Variants in NUMB observed in about 807,000 individuals in gnomAD.
NUMB encodes the protein NUMB endocytic adaptor protein.
In NUMB, 29 loss-of-function variants were observed where a neutral mutation model predicts 59.7. The ratio of observed to expected loss-of-function variants is 0.49; its 90% CI spans 0.36 to 0.66. NUMB has a LOEUF of 0.66. Among genes scored for constraint, NUMB ranks in the 30% least tolerant of loss-of-function variants. The probability of loss-of-function intolerance (pLI) is 0.00; values close to 1 mark genes in which losing one functional copy is unlikely to be tolerated. For missense variants in NUMB, 723 were observed against 822.0 expected (o/e 0.88, Z 1.47); for synonymous variants, 288 against 288.2 (o/e 1.00, Z 0.01).
chr14:73,405,355 G>C (rs1175615792), intron 2 of NUMB, among the ~76,000 whole-genome samples: 1 of 151,956 alleles, frequency 6.6e-6, no homozygotes, highest in Non-Finnish European at 1.5e-5. Flanking sequence ...GAACCCTCTA[G>C]CTCTGGCTCA....
chr14:73,433,014 G>C (rs149850455), intron 1 of NUMB, among the ~76,000 whole-genome samples: 1 of 152,068 alleles, frequency 6.6e-6, no homozygotes, highest in East Asian at 1.9e-4. Flanking sequence ...AGACCAGCCC[G>C]GCCAACATGG....
intron 1 of NUMB, among the ~76,000 whole-genome samples, chr14:73,421,180 TTG>T (rs1897331183): frequency 6.7e-6 from 1 of 149,688 alleles, no homozygotes; most frequent in Non-Finnish European, 1.5e-5. Context: ...TTTGGTGTTT[TTG>T]TTTGTTTGTT....
In NUMB at chr14:73,383,152, A is replaced by G. The variant is rs199723099; in HGVS notation, c.-100-16171T>C. Among the ~76,000 whole-genome samples, 5 of 152,222 alleles carry G rather than the reference A, an allele frequency of 3.3e-5. No homozygotes were observed. In the East Asian group the frequency reaches 9.6e-4, roughly 29 times the overall value. ...CAGATCAAAACTCTGTCTTCAAAAA[A>G]TAAAAAAAGAGAAAGATCAAATGGG... On this transcript the variant is annotated intron_variant, in intron 2 of 12. Transcript: ENST00000555238.
At chr14:73,437,477 G>C (rs1898107961) in intron 1 of NUMB, among the ~76,000 whole-genome samples, 1 of 152,148 alleles carries the variant, frequency 6.6e-6, no homozygotes, top group East Asian at 1.9e-4. Context: ...CTGGATCTGA[G>C]GTAAACTGAA....
intron 2 of NUMB, among the ~76,000 whole-genome samples, chr14:73,380,999 A>T (rs1423319382): frequency 6.6e-6 from 1 of 152,230 alleles, no homozygotes; most frequent in Non-Finnish European, 1.5e-5. Context: ...CTGGGATTAC[A>T]GGCATGAGCC....
intron 2 of NUMB, among the ~76,000 whole-genome samples, chr14:73,383,730 G>C (rs1423697039): frequency 6.6e-6 from 1 of 152,066 alleles, no homozygotes; most frequent in Non-Finnish European, 1.5e-5. Context: ...TAAAAACAAT[G>C]GGGGGCTGGG....
At chr14:73,388,076 T>C (rs889881184) in intron 2 of NUMB, among the ~76,000 whole-genome samples, 21 of 151,978 alleles carry the variant, frequency 1.4e-4, no homozygotes, top group African/African-American at 5.1e-4. Flanking sequence ...CACTTCCAGC[T>C]TGGGCGACCA....
At chr14:73,338,102 T>C (rs1441041515) in intron 4 of NUMB, among the ~76,000 whole-genome samples, 3 of 151,984 alleles carry the variant, frequency 2.0e-5, no homozygotes, top group East Asian at 1.9e-4. Flanking sequence ...TTGGACAACA[T>C]AGTGAGACCC....
chr14:73,372,226 C>G (rs1426878648), intron 2 of NUMB, among the ~76,000 whole-genome samples: 1 of 147,480 alleles, frequency 6.8e-6, no homozygotes, highest in Non-Finnish European at 1.5e-5. Context: ...GAGCAATACT[C>G]CATCTCAAAA....
At chr14:73,410,359 T>C (rs1896845667) in intron 1 of NUMB, among the ~76,000 whole-genome samples, 1 of 152,202 alleles carries the variant, frequency 6.6e-6, no homozygotes, top group African/African-American at 2.4e-5. Flanking sequence ...AGTCTGATAC[T>C]GTGATGAAGA....
intron 4 of NUMB, among the ~76,000 whole-genome samples, chr14:73,352,635 C>T (rs1893464906): frequency 7.0e-6 from 1 of 143,122 alleles, no homozygotes. Flanking sequence ...CCCTGGTTCA[C>T]GCGATTCTCC....
At chr14:73,374,332 T>C (rs1344108432) in intron 2 of NUMB, among the ~76,000 whole-genome samples, 1 of 152,068 alleles carries the variant, frequency 6.6e-6, no homozygotes, top group Non-Finnish European at 1.5e-5. Context: ...AAAGCTTCCT[T>C]TTGTATATTT....
rs971873622 is a variant in NUMB at position 73,381,921 on chromosome 14, T to A, written c.-100-14940A>T. 5.3e-5 allele frequency among the ~76,000 whole-genome samples: 8 copies of A among 152,268 alleles called. No homozygotes were observed. In the East Asian group the frequency reaches 1.5e-3, roughly 29 times the overall value. The stretch of plus-strand genomic sequence containing the variant: ...TAAAATGCAGAGTTAAGCTTGACAT[T>A]CTCCACTGCTTTGTTTCTGCTGGGG... On this transcript the variant is annotated intron_variant, in intron 2 of 12. Transcript: ENST00000555238.
intron 2 of NUMB, among the ~76,000 whole-genome samples, chr14:73,378,627 T>C (rs1895085516): frequency 6.6e-6 from 1 of 152,118 alleles, no homozygotes. Flanking sequence ...TAAATGCATA[T>C]TACTAAGTGA....
At chr14:73,337,847 A>G (rs1357135752) in intron 4 of NUMB, among the ~76,000 whole-genome samples, 1 of 152,180 alleles carries the variant, frequency 6.6e-6, no homozygotes, top group African/African-American at 2.4e-5. Context: ...ATAAGCAGAA[A>G]ATTATATTTA....
chr14:73,397,793 AG>A (rs1896208364), intron 2 of NUMB, among the ~76,000 whole-genome samples: 1 of 152,218 alleles, frequency 6.6e-6, no homozygotes, highest in Non-Finnish European at 1.5e-5. Flanking sequence ...GTGTCTATAA[AG>A]GTTTGGATTA....
intron 3 of NUMB, among the ~76,000 whole-genome samples, 192 bp from the exon 4 acceptor site, chr14:73,355,958 C>G (rs4903109): frequency 0.24 from 36,457 of 151,972 alleles, 4,431 homozygotes; most frequent in Non-Finnish European, 0.25. Flanking sequence ...TAGAGTAACA[C>G]TAAGTTCAAA....
At chr14:73,412,223 C>T (rs1349481144) in intron 1 of NUMB, among the ~76,000 whole-genome samples, 1 of 152,064 alleles carries the variant, frequency 6.6e-6, no homozygotes, top group Non-Finnish European at 1.5e-5. Flanking sequence ...AGCTGGGCAG[C>T]TAACATTTAA....
chr14:73,293,705 C>T (rs1241390139), intron 7 of NUMB, among the ~76,000 whole-genome samples: 52 of 152,112 alleles, frequency 3.4e-4, no homozygotes, highest in Non-Finnish European at 1.5e-5. Context: ...GTTTCTTTTT[C>T]ATAGTTTCTA....
Sources: allele counts gnomAD v4.1 joint callset (sites outside exome capture counted in the v4.1 genomes callset), GRCh38; gene constraint gnomAD v4.1.1; transcripts MANE v1.5; gene names NCBI Gene and HGNC (gene_info 2026-07-23, HGNC 2026-07-21).